PDS5B: variants seen among roughly 807,000 people sequenced by gnomAD.
PDS5B encodes sister chromatid cohesion protein PDS5 homolog B.
A neutral mutation model predicts 184.1 loss-of-function variants in PDS5B; 51 were observed. That is an observed-to-expected ratio of 0.28 (90% CI 0.22 to 0.35). The LOEUF (loss-of-function observed/expected upper bound fraction) is 0.35. Among genes scored for constraint, PDS5B ranks in the 10% least tolerant of loss-of-function variants. PDS5B has a pLI of 1.00. For missense variants in PDS5B, 1,180 were observed against 1,723.3 expected, an observed-to-expected ratio of 0.68 and a Z score of 5.58; for synonymous variants, 566 against 569.2, an observed-to-expected ratio of 0.99 and a Z score of 0.08.
intron 10 of PDS5B, among the ~76,000 whole-genome samples, chr13:32,679,444 T>C (rs1472945994): frequency 4.6e-5 from 7 of 152,040 alleles, no homozygotes; most frequent in Admixed American, 4.6e-4. Flanking sequence ...ATCAAGACCA[T>C]GCTGACCAAT....
At chr13:32,729,455 T>C (rs949300147) in intron 19 of PDS5B, among the ~76,000 whole-genome samples, 3 of 152,228 alleles carry the variant, frequency 2.0e-5, no homozygotes. Flanking sequence ...CCTTTGGGTA[T>C]ATACCTAGTA....
At chr13:32,745,550 C>G (rs1300745948) in intron 23 of PDS5B, among the ~76,000 whole-genome samples, 6 of 152,040 alleles carry the variant, frequency 3.9e-5, no homozygotes, top group South Asian at 2.1e-4. Context: ...AATAAAATAC[C>G]AGGCTTATAA....
intron 1 of PDS5B, among the ~76,000 whole-genome samples, chr13:32,596,787 C>G (rs1321117996): frequency 6.6e-6 from 1 of 151,994 alleles, no homozygotes; most frequent in Non-Finnish European, 1.5e-5. Flanking sequence ...AGTATATTTT[C>G]TTTCGTAGGA....
intron 17 of PDS5B, among the ~76,000 whole-genome samples, chr13:32,705,397 A>G (rs1173139395): frequency 6.6e-6 from 1 of 152,192 alleles, no homozygotes; most frequent in East Asian, 1.9e-4. Context: ...ATGAGCAGAA[A>G]AAGAGAAAAC....
In PDS5B at chr13:32,741,110, G is replaced by C. The variant is rs1566397734; in HGVS notation, c.2437G>C (p.Val813Leu). The C allele has an allele frequency of 6.3e-7, 1 of 1,581,150 alleles. No individual in the cohort carries two copies. Among genetic ancestry groups the C allele is most frequent in the Non-Finnish European group, 8.7e-7 (1 of 1,155,416 alleles). The part of the protein sequence containing the change: ...LPGKKTTKLW[V>L]PDEEVSPETM... ...AGGGAAAAAGACAACTAAACTTTGGGTTCCAGATGAAGAAGTATCTCCTGA... is the reference window on the plus strand; with the variant it reads ...AGGGAAAAAGACAACTAAACTTTGGCTTCCAGATGAAGAAGTATCTCCTGA... The change falls in exon 22 of 35, where the codon GTT becomes CTT. Residue 813 changes from valine to leucine, a missense_variant. Val to Leu is a conservative substitution (Grantham distance 32). Transcript: ENST00000315596.
chr13:32,654,484 C>G (rs1180074840), intron 3 of PDS5B, among the ~76,000 whole-genome samples: 1 of 152,112 alleles, frequency 6.6e-6, no homozygotes, highest in African/African-American at 2.4e-5. Context: ...AACATATTTT[C>G]CACAGTACTA....
At chr13:32,599,642 C>T (rs927457240) in intron 1 of PDS5B, among the ~76,000 whole-genome samples, 3 of 150,970 alleles carry the variant, frequency 2.0e-5, no homozygotes, top group Admixed American at 6.6e-5. Flanking sequence ...CGGCCGGGCG[C>T]GGTGACTCAT....
At chr13:32,750,634 C>T (rs147339725) in intron 24 of PDS5B, among the ~76,000 whole-genome samples, 2,939 of 151,062 alleles carry the variant, frequency 0.019, 71 homozygotes, top group African/African-American at 0.061. Flanking sequence ...CTCTGCCTCC[C>T]GGGTTTAAGC....
intron 10 of PDS5B, among the ~76,000 whole-genome samples, chr13:32,683,347 C>A (rs1168624614): frequency 8.5e-5 from 11 of 128,856 alleles, no homozygotes. Context: ...TGAGATGGAG[C>A]TCTGCCCTTG....
chr13:32,657,081 G>A (rs908198208), intron 3 of PDS5B, among the ~76,000 whole-genome samples: 1 of 152,212 alleles, frequency 6.6e-6, no homozygotes, highest in Non-Finnish European at 1.5e-5. Context: ...TTCTGTAGAT[G>A]TCTGTTAGGC....
intron 19 of PDS5B, among the ~76,000 whole-genome samples, chr13:32,717,996 C>G (rs1020841257): frequency 2.1e-5 from 3 of 141,844 alleles, no homozygotes; most frequent in African/African-American, 7.9e-5. Context: ...AATAATAAAG[C>G]GAGAATATAT....
At chr13:32,609,362 A>G (rs1169124889) in intron 1 of PDS5B, among the ~76,000 whole-genome samples, 1 of 151,848 alleles carries the variant, frequency 6.6e-6, no homozygotes, top group African/African-American at 2.4e-5. Context: ...TTTTTTTTAC[A>G]TTAAGAGGAA....
At chr13:32,604,709 T>G (rs2058032888) in intron 1 of PDS5B, among the ~76,000 whole-genome samples, 1 of 152,154 alleles carries the variant, frequency 6.6e-6, no homozygotes, top group Non-Finnish European at 1.5e-5. Flanking sequence ...GTCCTGGACT[T>G]TTTTTGGTTG....
intron 1 of PDS5B, among the ~76,000 whole-genome samples, chr13:32,618,440 C>G (rs140811192): frequency 7.3e-4 from 111 of 152,182 alleles, no homozygotes; most frequent in Non-Finnish European, 1.4e-3. Flanking sequence ...CTATTCTGCT[C>G]CATCCTGTCC....
At chr13:32,589,512 A>G (rs9595877) in intron 1 of PDS5B, among the ~76,000 whole-genome samples, 39,586 of 152,100 alleles carry the variant, frequency 0.26, 6,575 homozygotes, top group Non-Finnish European at 0.37. Flanking sequence ...GTCTTTCTTT[A>G]TGTAACATTA....
chr13:32,736,654 A>G (rs1050362567), intron 21 of PDS5B, among the ~76,000 whole-genome samples: 7 of 152,198 alleles, frequency 4.6e-5, no homozygotes, highest in Admixed American at 3.3e-4. Context: ...AAAGTTTTTT[A>G]CAAACTTTAA....
At chr13:32,696,956 A>T in intron 15 of PDS5B, 54 bp downstream of exon 15, 1 of 1,112,682 alleles carries the variant, frequency 9.0e-7, no homozygotes, top group South Asian at 1.4e-5. Context: ...AACATTTTTT[A>T]TAATTTTAAG....
Position 32,738,483 on chromosome 13 carries a change from T to G in PDS5B, c.2407-2597T>G, listed in dbSNP as rs370521691. Among the ~76,000 whole-genome samples, 17 of 152,178 alleles carry G rather than the reference T, an allele frequency of 1.1e-4. No individual in the cohort carries two copies. In the East Asian group the frequency reaches 3.3e-3, roughly 29 times the overall value. ...TAGTCACCATTCATGTTGCCTACTT[T>G]CTGAAATTCCCTTTTGATGTATTTT... On this transcript the variant is annotated intron_variant, in intron 21 of 34. Transcript: ENST00000315596.
At chr13:32,756,411 T>C (rs1954181706) in intron 26 of PDS5B, among the ~76,000 whole-genome samples, 1 of 152,226 alleles carries the variant, frequency 6.6e-6, no homozygotes, top group East Asian at 1.9e-4. Context: ...ACTGGGGAAC[T>C]ACTCCTACTT....
Sources: allele counts gnomAD v4.1 joint callset (sites outside exome capture counted in the v4.1 genomes callset), GRCh38; gene constraint gnomAD v4.1.1; transcripts MANE v1.5; gene names NCBI Gene and HGNC (gene_info 2026-07-23, HGNC 2026-07-21).